Variants in ANKRD12 observed in about 807,000 individuals in gnomAD.
The protein encoded by ANKRD12 is ankyrin repeat domain 12, also known as ankyrin repeat domain-containing protein 12.
ANKRD12 carries 85 observed loss-of-function variants against 183.4 expected under a neutral mutation model. The ratio of observed to expected loss-of-function variants is 0.46; its 90% CI spans 0.39 to 0.56. The LOEUF (loss-of-function observed/expected upper bound fraction) is 0.56, where lower values mean the gene tolerates loss of function less well. Among genes scored for constraint, ANKRD12 ranks in the 20% least tolerant of loss-of-function variants. The pLI, the probability that ANKRD12 is intolerant of heterozygous loss-of-function variation, is 0.00. For missense variants in ANKRD12, 2,405 were observed against 2,357.1 expected, an observed-to-expected ratio of 1.02 and a Z score of -0.42; for synonymous variants, 914 against 800.2, an observed-to-expected ratio of 1.14 and a Z score of -2.40.
intron 6 of ANKRD12, among the ~76,000 whole-genome samples, chr18:9,212,872 A>G (rs1335090935): frequency 6.6e-6 from 1 of 151,926 alleles, no homozygotes; most frequent in Non-Finnish European, 1.5e-5. Flanking sequence ...TGTTTATTAT[A>G]AACTTATGTG....
chr18:9,265,955 C>T (rs148183182), intron 10 of ANKRD12, among the ~76,000 whole-genome samples: 6,732 of 152,204 alleles, frequency 0.044, 191 homozygotes, highest in Non-Finnish European at 0.057. Flanking sequence ...AACCAAGGCA[C>T]GAGAACTACA....
intron 8 of ANKRD12, among the ~76,000 whole-genome samples, chr18:9,237,491 T>C (rs1040552845): frequency 9.2e-5 from 14 of 152,126 alleles, no homozygotes; most frequent in African/African-American, 2.4e-4. Context: ...GCAAAAAATA[T>C]AGCCATCACT....
intron 2 of ANKRD12, among the ~76,000 whole-genome samples, chr18:9,194,415 G>A (rs374112363): frequency 3.3e-5 from 5 of 151,872 alleles, no homozygotes; most frequent in South Asian, 2.1e-4. Flanking sequence ...GGAGTGCAAC[G>A]GTATGATCTC....
chr18:9,150,308 C>T (rs778777762), intron 1 of ANKRD12, among the ~76,000 whole-genome samples: 2 of 152,136 alleles, frequency 1.3e-5, no homozygotes, highest in Non-Finnish European at 2.9e-5. Flanking sequence ...GTCTGAAGCA[C>T]TCCGTTACCT....
rs116043903 is a variant in ANKRD12, at chr18:9,231,330, G to A, written c.943+9331G>A. On this transcript the variant is annotated intron_variant, in intron 8 of 12. Coordinates refer to ENST00000262126, the MANE Select transcript of ANKRD12 (RefSeq NM_015208.5). The stretch of plus-strand genomic sequence containing the variant: ...TTTCTATCTAGATGATCTGTCTAAT[G>A]CTGACAGTGATGTGTTGAAGTCCCC... 6.8e-3 allele frequency among the ~76,000 whole-genome samples: 1,039 copies of A among 152,196 alleles called. 14 individuals are homozygous for A. Among genetic ancestry groups the A allele is most frequent in the African/African-American group, 0.024 (977 of 41,512 alleles).
chr18:9,200,296 GAATT>G (rs1939667846), intron 3 of ANKRD12, among the ~76,000 whole-genome samples: 1 of 152,062 alleles, frequency 6.6e-6, no homozygotes, highest in Non-Finnish European at 1.5e-5. Context: ...TATTTATTCT[GAATT>G]AATTTATTTA....
chr18:9,253,797 C>T (rs372819756), intron 8 of ANKRD12, among the ~76,000 whole-genome samples: 2 of 152,188 alleles, frequency 1.3e-5, no homozygotes, highest in East Asian at 3.8e-4. Context: ...CTTTGGAGAA[C>T]AGTTTGGAGG....
chr18:9,146,019 G>A (rs2078481003), intron 1 of ANKRD12, among the ~76,000 whole-genome samples: 1 of 152,168 alleles, frequency 6.6e-6, no homozygotes, highest in Non-Finnish European at 1.5e-5. Flanking sequence ...TCAGGGAAAA[G>A]GACCTGTGTG....
intron 1 of ANKRD12, among the ~76,000 whole-genome samples, chr18:9,149,924 T>A (rs2078629043): frequency 6.6e-6 from 1 of 151,758 alleles, no homozygotes; most frequent in African/African-American, 2.4e-5. Flanking sequence ...GCCTCCTGAG[T>A]AGCTGGGACT....
At chr18:9,224,996 A>C (rs2036626903) in intron 8 of ANKRD12, among the ~76,000 whole-genome samples, 1 of 152,172 alleles carries the variant, frequency 6.6e-6, no homozygotes, top group African/African-American at 2.4e-5. Context: ...CAGCTATTCC[A>C]GGAGCTGAAC....
In ANKRD12 at chr18:9,258,930, C is replaced by T; in HGVS notation, c.5663C>T (p.Thr1888Ile). ...CCCTTAAGCAAGATTTGTATTCCCA[C>T]AGTAAGTAACATCATCACTTGCTAT... ...GNPLSKICIP[T>I]ITPPPSLSDP... The change falls in exon 9 of 13, where the codon ACA (threonine) becomes ATA (isoleucine). Residue 1888 changes from threonine (T) to isoleucine (I), a missense_variant and splice_region_variant. Thr to Ile is a moderately conservative substitution (Grantham distance 89, BLOSUM62 -1). Around this residue, in one of 7 missense-constraint regions of ANKRD12, gnomAD observed 162 missense variants for 272.2 expected, o/e 0.60. Coordinates refer to ENST00000262126, the MANE Select transcript of ANKRD12 (RefSeq NM_015208.5). The T allele has an allele frequency of 6.3e-7, 1 of 1,596,658 alleles. No individual in the cohort carries two copies. The highest frequency in any genetic ancestry group is 8.5e-7 in the Non-Finnish European group (1 of 1,171,192).
At chr18:9,261,655 G>A (rs564629735) in intron 9 of ANKRD12, among the ~76,000 whole-genome samples, 17 of 152,250 alleles carry the variant, frequency 1.1e-4, no homozygotes, top group African/African-American at 3.6e-4. Flanking sequence ...GAGAGTAATG[G>A]CAAAACCGCA....
intron 8 of ANKRD12, among the ~76,000 whole-genome samples, chr18:9,230,804 GC>G (rs993152759): frequency 6.6e-6 from 1 of 151,758 alleles, no homozygotes. Flanking sequence ...GACTACAGAT[GC>G]GTGCCATCAC....
At chr18:9,220,449 A>C (rs1173988932) in intron 7 of ANKRD12, among the ~76,000 whole-genome samples, 4 of 152,334 alleles carry the variant, frequency 2.6e-5, no homozygotes, top group African/African-American at 9.6e-5. Flanking sequence ...AAGAGATGGT[A>C]AGGAGGCAGA....
intron 2 of ANKRD12, among the ~76,000 whole-genome samples, chr18:9,183,156 C>G (rs925224682): frequency 6.6e-6 from 1 of 152,130 alleles, no homozygotes; most frequent in Non-Finnish European, 1.5e-5. Flanking sequence ...CAGGCAACCC[C>G]ATATCTGCTT....
In ANKRD12 at chr18:9,279,537, TTTCTC is replaced by T. The variant is rs1478608463; in HGVS notation, c.5908-9_5908-5del. The T allele has an allele frequency of 1.3e-6, 2 of 1,515,538 alleles. No homozygotes were observed. Among genetic ancestry groups the T allele is most frequent in the Admixed American group, 1.8e-5 (1 of 54,780 alleles). The allele number at this position is 1,515,538 out of a possible 1,614,324, so 93.9% of individuals were successfully genotyped here. ...TTTATTGTATTTTATAATACTCACT[TTTCTC>T]TTTTAGTCTGATGACAGTAAAACTT... On this transcript the variant is annotated splice_region_variant and splice_polypyrimidine_tract_variant and intron_variant, in intron 11 of 12. Coordinates refer to ENST00000262126, the MANE Select transcript of ANKRD12 (RefSeq NM_015208.5).
chr18:9,149,793 A>ATTTTTTTTTTT (rs11403682), intron 1 of ANKRD12, among the ~76,000 whole-genome samples: 2 of 145,052 alleles, frequency 1.4e-5, no homozygotes, highest in East Asian at 2.0e-4. Flanking sequence ...TATTTATTAA[A>ATTTTTTTTTTT]TTTTATTTTT....
chr18:9,173,611 G>C (rs1361929784), intron 1 of ANKRD12, among the ~76,000 whole-genome samples: 4 of 130,564 alleles, frequency 3.1e-5, no homozygotes, highest in Non-Finnish European at 6.8e-5. Context: ...ATCCCGGTGG[G>C]GTGGTGGGGG....
intron 2 of ANKRD12, among the ~76,000 whole-genome samples, chr18:9,190,275 A>G (rs1249390284): frequency 6.6e-6 from 1 of 152,210 alleles, no homozygotes; most frequent in East Asian, 1.9e-4. Context: ...ATCAAACTTG[A>G]AACCTACTTT....
Sources: allele counts gnomAD v4.1 joint callset (sites outside exome capture counted in the v4.1 genomes callset), GRCh38; gene constraint gnomAD v4.1.1; regional missense constraint gnomAD v4.1.1; transcripts MANE v1.5; gene names NCBI Gene and HGNC (gene_info 2026-07-23, HGNC 2026-07-21).